ST8SIA1: variants seen among roughly 807,000 people sequenced by gnomAD.
The protein encoded by ST8SIA1 is alpha-N-acetylneuraminide alpha-2,8-sialyltransferase.
In ST8SIA1, 16 loss-of-function variants were observed where a neutral mutation model predicts 35.9. The observed-to-expected ratio is 0.45, with a 90% confidence interval of 0.30 to 0.68. The LOEUF is 0.68. Ranked by LOEUF, ST8SIA1 falls within the 30% of genes least tolerant of loss-of-function variation. The pLI, the probability that ST8SIA1 is intolerant of heterozygous loss-of-function variation, is 0.09. For synonymous variants in ST8SIA1, 170 were observed against 169.6 expected, an observed-to-expected ratio of 1.00 and a Z score of -0.02; for missense variants, 383 against 453.6, an observed-to-expected ratio of 0.84 and a Z score of 1.41.
At chr12:22,295,848 A>C (rs535331886) in intron 1 of ST8SIA1, among the ~76,000 whole-genome samples, 2 of 152,332 alleles carry the variant, frequency 1.3e-5, no homozygotes, top group African/African-American at 4.8e-5. Context: ...TATTTTAACA[A>C]AGTCTGCTTG....
At chr12:22,209,338 C>T (rs1201045955) in intron 4 of ST8SIA1, among the ~76,000 whole-genome samples, 1 of 151,974 alleles carries the variant, frequency 6.6e-6, no homozygotes, top group Non-Finnish European at 1.5e-5. Flanking sequence ...AAATGAACAA[C>T]GATGTAGAAC....
chr12:22,333,999 G>C lies in ST8SIA1; in HGVS notation c.234C>G (p.Phe78Leu). 5 of 1,613,688 alleles carry C rather than the reference G, an allele frequency of 3.1e-6. No individual in the cohort carries two copies. Among genetic ancestry groups the C allele is most frequent in the Non-Finnish European group, 4.2e-6 (5 of 1,179,820 alleles). The change falls in exon 1 of 5, where the codon TTC becomes TTG. Residue 78 changes from phenylalanine to leucine, a missense_variant and splice_region_variant. By Grantham distance (22) the Phe-to-Leu change is conservative. Transcript: ENST00000396037. ...AGGAGCCGCGAGGGCAGGAGTACCT[G>C]AACGCTCTGGCCGCGGTCTGGTTCC... The part of the protein sequence containing the change: ...WRRNQTAARA[F>L]RKQMEDCCDP...
At position 22,201,484 on chromosome 12, in the gene ST8SIA1, C is replaced by A; in HGVS notation, c.*68G>T. On this transcript the variant is annotated 3_prime_UTR_variant, in exon 5 of 5. Transcript: ENST00000396037. ...AAACTCATGAAACAACTTGACCATT[C>A]CCTCTTGGAGTCACATAGAAAACCT... is the stretch of plus-strand genomic sequence containing the variant. 1 of 1,511,858 alleles carries A rather than the reference C, an allele frequency of 6.6e-7. No individual in the cohort carries two copies. Among genetic ancestry groups the A allele is most frequent in the Non-Finnish European group, 8.8e-7 (1 of 1,132,500 alleles). The allele number at this position is 1,511,858 out of a possible 1,614,324, so 93.7% of individuals were successfully genotyped here.
chr12:22,302,226 T>C (rs539568905), intron 1 of ST8SIA1, among the ~76,000 whole-genome samples: 66 of 145,302 alleles, frequency 4.5e-4, no homozygotes, highest in African/African-American at 1.6e-3. Flanking sequence ...ATGTTTTCGA[T>C]TTTTTTCTTT....
chr12:22,306,113 C>A (rs1470805311), intron 1 of ST8SIA1, among the ~76,000 whole-genome samples: 2 of 152,162 alleles, frequency 1.3e-5, no homozygotes, highest in African/African-American at 4.8e-5. Flanking sequence ...GACCTGGAAG[C>A]CCCTTCCCTG....
intron 2 of ST8SIA1, 26 bp downstream of exon 2, chr12:22,287,123 C>G: frequency 6.3e-7 from 1 of 1,589,808 alleles, no homozygotes; most frequent in Non-Finnish European, 8.6e-7. Flanking sequence ...AGAAACCATA[C>G]TGAAGGCAAC....
At chr12:22,299,871 GT>G (rs1164660524) in intron 1 of ST8SIA1, among the ~76,000 whole-genome samples, 1 of 151,988 alleles carries the variant, frequency 6.6e-6, no homozygotes, top group Non-Finnish European at 1.5e-5. Flanking sequence ...CTCAAGTTCT[GT>G]TTGTTGTGGC....
intron 3 of ST8SIA1, among the ~76,000 whole-genome samples, chr12:22,250,401 T>C (rs1202262951): frequency 6.6e-6 from 1 of 152,174 alleles, no homozygotes; most frequent in Non-Finnish European, 1.5e-5. Flanking sequence ...AGGTCAGAAA[T>C]AGCATACAAA....
intron 2 of ST8SIA1, chr12:22,286,625 T>G: frequency 4.3e-6 from 2 of 461,094 alleles, no homozygotes; most frequent in South Asian, 3.4e-5. Flanking sequence ...AAATATTAAG[T>G]AAGCAAAGCT....
chr12:22,285,697 C>T (rs1170235609), intron 2 of ST8SIA1, among the ~76,000 whole-genome samples: 1 of 151,890 alleles, frequency 6.6e-6, no homozygotes, highest in Non-Finnish European at 1.5e-5. Context: ...CACGGTGAAA[C>T]ATGGTCTCTA....
At chr12:22,291,151 C>A (rs1331633817) in intron 1 of ST8SIA1, among the ~76,000 whole-genome samples, 1 of 152,136 alleles carries the variant, frequency 6.6e-6, no homozygotes, top group South Asian at 2.1e-4. Flanking sequence ...AGCCAAGAAG[C>A]CCTCATCTGT....
At chr12:22,207,635 T>C (rs779900390) in intron 4 of ST8SIA1, among the ~76,000 whole-genome samples, 39 of 152,104 alleles carry the variant, frequency 2.6e-4, no homozygotes, top group Admixed American at 9.2e-4. Context: ...AAAACAGAAA[T>C]TTAATGTTTA....
Position 22,199,443 on chromosome 12 carries a change from C to T in ST8SIA1, c.*2109G>A, listed in dbSNP as rs1202374505. The T allele has an allele frequency of 2.0e-5, 3 of 152,044 alleles. No individual in the cohort carries two copies. The highest frequency in any genetic ancestry group is 4.4e-5 in the Non-Finnish European group (3 of 67,994). 9.4% of individuals were successfully genotyped at this position (152,044 alleles called of 1,614,324 possible). A position where few individuals can be genotyped will look rare whatever the true frequency, so the allele number is the denominator to read the frequency against. On this transcript the variant is annotated 3_prime_UTR_variant, in exon 5 of 5. Coordinates refer to ENST00000396037, the MANE Select transcript of ST8SIA1 (RefSeq NM_003034.4). ...TAAAAATGTATTCTTTTTTAGGTAA[C>T]TGCTAAATAACAGTAGCTCAAAAGA...
chr12:22,319,104 T>C (rs1010772946), intron 1 of ST8SIA1, among the ~76,000 whole-genome samples: 1 of 152,248 alleles, frequency 6.6e-6, no homozygotes, highest in Admixed American at 6.5e-5. Context: ...TCACAGCCTG[T>C]TTCTTTGTAA....
At chr12:22,328,474 C>T (rs1267040443) in intron 1 of ST8SIA1, among the ~76,000 whole-genome samples, 1 of 152,088 alleles carries the variant, frequency 6.6e-6, no homozygotes, top group East Asian at 1.9e-4. Context: ...ATGCACCTGT[C>T]GCTACCAGTT....
intron 2 of ST8SIA1, among the ~76,000 whole-genome samples, chr12:22,281,592 A>C (rs1866034775): frequency 6.6e-6 from 1 of 152,216 alleles, no homozygotes. Context: ...GCTCAAAGCC[A>C]AAAAGAGACT....
At chr12:22,303,790 T>C (rs1481871971) in intron 1 of ST8SIA1, among the ~76,000 whole-genome samples, 6 of 151,146 alleles carry the variant, frequency 4.0e-5, no homozygotes, top group African/African-American at 7.3e-5. Context: ...TTCCAAATTA[T>C]GGGAAAAGGC....
Position 22,202,043 on chromosome 12 carries a change from T to G in ST8SIA1, c.585-5A>C, listed in dbSNP as rs754270088. 7 of 1,560,014 alleles carry G rather than the reference T, an allele frequency of 4.5e-6. No homozygotes were observed. The South Asian group carries it at 7.4e-5, about 16-fold the overall frequency. On this transcript the variant is annotated splice_polypyrimidine_tract_variant and splice_region_variant and intron_variant, in intron 4 of 4. Coordinates refer to ENST00000396037, the MANE Select transcript of ST8SIA1 (RefSeq NM_003034.4). ...GACCACAGAAGGTTCTGAAACCTAT[T>G]GAAGAAAAAAAAAACTGTTCAATTA...
At chr12:22,327,445 G>A (rs1163092090) in intron 1 of ST8SIA1, among the ~76,000 whole-genome samples, 1 of 152,118 alleles carries the variant, frequency 6.6e-6, no homozygotes, top group Non-Finnish European at 1.5e-5. Context: ...GTACATACCA[G>A]GGGGGCAAGC....
Sources: allele counts gnomAD v4.1 joint callset (sites outside exome capture counted in the v4.1 genomes callset), GRCh38; gene constraint gnomAD v4.1.1; transcripts MANE v1.5; gene names NCBI Gene and HGNC (gene_info 2026-07-23, HGNC 2026-07-21).